FCHSD2: variants seen among roughly 807,000 people sequenced by gnomAD.
FCHSD2 encodes FCH and double SH3 domains 2.
Under a neutral mutation model 108.1 loss-of-function variants are expected in FCHSD2, and 38 were observed. The ratio of observed to expected loss-of-function variants is 0.35; its 90% CI spans 0.27 to 0.46. FCHSD2 has a LOEUF of 0.46. Among genes scored for constraint, FCHSD2 ranks in the 20% least tolerant of loss-of-function variants. FCHSD2 has a pLI of 1.00. For synonymous variants in FCHSD2, 279 were observed against 314.7 expected (o/e 0.89, Z 1.20); for missense variants, 751 against 897.8 (o/e 0.84, Z 2.09).
chr11:73,134,854 G>T (rs1861085707), intron 2 of FCHSD2, among the ~76,000 whole-genome samples: 1 of 151,666 alleles, frequency 6.6e-6, no homozygotes, highest in African/African-American at 2.4e-5. Flanking sequence ...TTGGTTTTTG[G>T]TTTTTTTTGA....
At chr11:73,038,664 A>G (rs1441758924) in intron 3 of FCHSD2, among the ~76,000 whole-genome samples, 2 of 152,220 alleles carry the variant, frequency 1.3e-5, no homozygotes, top group Non-Finnish European at 2.9e-5. Context: ...AATGGACATA[A>G]ACATGGGAAT....
At chr11:73,026,906 T>A (rs1858242672) in intron 3 of FCHSD2, among the ~76,000 whole-genome samples, 1 of 152,172 alleles carries the variant, frequency 6.6e-6, no homozygotes, top group Non-Finnish European at 1.5e-5. Flanking sequence ...CCCTTTGCCT[T>A]CTACCATGAT....
At chr11:72,884,492 T>C (rs553061287) in intron 12 of FCHSD2, among the ~76,000 whole-genome samples, 60 of 149,364 alleles carry the variant, frequency 4.0e-4, no homozygotes, top group Non-Finnish European at 6.5e-4. Context: ...TATATCTGTG[T>C]GTATGTTATA....
intron 2 of FCHSD2, among the ~76,000 whole-genome samples, chr11:73,086,479 T>C (rs186283532): frequency 6.1e-4 from 92 of 152,032 alleles, no homozygotes; most frequent in South Asian, 3.5e-3. Flanking sequence ...CTTAAGGAAC[T>C]AGAAAAAGAA....
intron 19 of FCHSD2, among the ~76,000 whole-genome samples, chr11:72,840,391 G>T (rs1860882426): frequency 6.6e-6 from 1 of 152,232 alleles, no homozygotes; most frequent in Non-Finnish European, 1.5e-5. Flanking sequence ...TGACCTTGGA[G>T]TACAGTGGTG....
intron 8 of FCHSD2, among the ~76,000 whole-genome samples, chr11:72,947,787 A>G (rs1189944660): frequency 6.8e-5 from 6 of 88,400 alleles, no homozygotes; most frequent in Non-Finnish European, 1.0e-4. Context: ...AAAAATCCAA[A>G]GAAAACAAAA....
intron 3 of FCHSD2, among the ~76,000 whole-genome samples, chr11:73,028,143 T>A (rs1052019866): frequency 2.6e-5 from 4 of 151,898 alleles, no homozygotes; most frequent in African/African-American, 9.7e-5. Context: ...AGAGCCACCA[T>A]CCTCCAGATC....
chr11:72,849,634 C>T (rs1366065372), intron 14 of FCHSD2, 121 bp downstream of exon 14: 6 of 761,214 alleles, frequency 7.9e-6, no homozygotes, highest in Non-Finnish European at 1.3e-5. Context: ...GTTATGTTGC[C>T]CCAATATTAA....
chr11:72,948,181 T>C (rs1856554552), intron 8 of FCHSD2, among the ~76,000 whole-genome samples: 1 of 152,146 alleles, frequency 6.6e-6, no homozygotes. Flanking sequence ...CAAATTTTTG[T>C]ATTTTTAGTA....
intron 3 of FCHSD2, among the ~76,000 whole-genome samples, chr11:73,070,505 C>A (rs1282664031): frequency 6.6e-6 from 1 of 152,078 alleles, no homozygotes; most frequent in Non-Finnish European, 1.5e-5. Flanking sequence ...CTCACTGCAA[C>A]CTCCACCTCC....
At chr11:73,134,135 C>CT (rs1361912675) in intron 2 of FCHSD2, among the ~76,000 whole-genome samples, 1 of 151,770 alleles carries the variant, frequency 6.6e-6, no homozygotes, top group Non-Finnish European at 1.5e-5. Flanking sequence ...TAGATTACCT[C>CT]TAAGATCTCT....
Position 73,022,472 on chromosome 11 carries a change from T to C in FCHSD2, c.166-6587A>G, listed in dbSNP as rs964845986. On this transcript the variant is annotated intron_variant, in intron 3 of 19. Coordinates refer to ENST00000409418, the MANE Select transcript of FCHSD2 (RefSeq NM_014824.3). Reference sequence around the variant, plus strand: ...TAATTGCTCTCCTACATACATGCAATGAACAACTGGAATTTGAAATTTTAT... The same window carrying C: ...TAATTGCTCTCCTACATACATGCAACGAACAACTGGAATTTGAAATTTTAT... 6.6e-5 allele frequency among the ~76,000 whole-genome samples: 10 copies of C among 152,274 alleles called. No homozygotes were observed. The South Asian group carries it at 1.0e-3, about 16-fold the overall frequency.
At position 72,867,912 on chromosome 11, in the gene FCHSD2, G is replaced by A. The variant is rs1854765760; in HGVS notation, c.1261C>T (p.Arg421Ter). ...GTCACTGCAGGAGGGCGGGCCCATC[G>A]CTCATTTTCCAGTTCTTCCATTACT... ...NQVMEELENE[R>*]WARPPAVTSN... Residue 421 changes from arginine to a stop codon, truncating the protein, a stop_gained, in exon 13 of 20, where the codon CGA (arginine) becomes TGA (stop). Transcript: ENST00000409418. LOFTEE classifies it high-confidence loss of function. The A allele has an allele frequency of 5.0e-6, 8 of 1,611,678 alleles. No individual in the cohort carries two copies. Among genetic ancestry groups the A allele is most frequent in the Non-Finnish European group, 5.9e-6 (7 of 1,179,038 alleles).
intron 3 of FCHSD2, among the ~76,000 whole-genome samples, chr11:73,062,704 C>A (rs1380653022): frequency 6.6e-6 from 1 of 151,968 alleles, no homozygotes; most frequent in African/African-American, 2.4e-5. Context: ...TGAAGATAAA[C>A]TTAATGAAAT....
At chr11:72,927,484 G>C (rs1016926602) in intron 8 of FCHSD2, among the ~76,000 whole-genome samples, 1 of 152,176 alleles carries the variant, frequency 6.6e-6, no homozygotes, top group Non-Finnish European at 1.5e-5. Context: ...GTATGTAGGG[G>C]AAGGGAGTGT....
intron 9 of FCHSD2, among the ~76,000 whole-genome samples, chr11:72,918,756 A>AT (rs1855924794): frequency 6.6e-6 from 1 of 152,064 alleles, no homozygotes; most frequent in Admixed American, 6.6e-5. Context: ...TTTTAAATTT[A>AT]TTTTTCTGAA....
intron 8 of FCHSD2, among the ~76,000 whole-genome samples, chr11:72,961,648 G>C (rs1856821370): frequency 6.6e-6 from 1 of 152,130 alleles, no homozygotes; most frequent in African/African-American, 2.4e-5. Flanking sequence ...TCCCTACCCT[G>C]TTTGCCCAAA....
chr11:72,883,428 A>G (rs1391564445), intron 12 of FCHSD2, among the ~76,000 whole-genome samples: 1 of 152,252 alleles, frequency 6.6e-6, no homozygotes, highest in Non-Finnish European at 1.5e-5. Context: ...TAGTATCCAG[A>G]AAACATAAAT....
At position 72,963,640 on chromosome 11, in the gene FCHSD2, GT is replaced by G. The variant is rs542074305; in HGVS notation, c.705+20447del. On this transcript the variant is annotated intron_variant, in intron 8 of 19. Transcript: ENST00000409418. Reference sequence around the variant, plus strand: ...TTCCACAGATGGGTAGGGTGGGGTGGTTTTGGGATGAAACTGTTCCACCTCA... The same window carrying G: ...TTCCACAGATGGGTAGGGTGGGGTGGTTTGGGATGAAACTGTTCCACCTCA... 4.3e-3 allele frequency among the ~76,000 whole-genome samples: 661 copies of G among 152,328 alleles called. 7 individuals carry two copies. Among genetic ancestry groups the G allele is most frequent in the South Asian group, 0.016 (76 of 4,826 alleles).
Sources: allele counts gnomAD v4.1 joint callset (sites outside exome capture counted in the v4.1 genomes callset), GRCh38; gene constraint gnomAD v4.1.1; transcripts MANE v1.5; gene names NCBI Gene and HGNC (gene_info 2026-07-23, HGNC 2026-07-21).